ANKFY1: variants seen among roughly 807,000 people sequenced by gnomAD.
The protein encoded by ANKFY1 is ankyrin repeat and FYVE domain containing 1.
In ANKFY1, 47 loss-of-function variants were observed where a neutral mutation model predicts 128.3. The ratio of observed to expected loss-of-function variants is 0.37; its 90% CI spans 0.29 to 0.47. The LOEUF (loss-of-function observed/expected upper bound fraction) is 0.47, where lower values mean the gene tolerates loss of function less well. Among genes scored for constraint, ANKFY1 ranks in the 20% least tolerant of loss-of-function variants. ANKFY1 has a pLI of 1.00. For missense variants in ANKFY1, 1,222 were observed against 1,510.6 expected, an observed-to-expected ratio of 0.81 and a Z score of 3.17; for synonymous variants, 553 against 601.6, an observed-to-expected ratio of 0.92 and a Z score of 1.18.
At chr17:4,190,119 T>G (rs1337594048) in intron 10 of ANKFY1, among the ~76,000 whole-genome samples, 1 of 152,162 alleles carries the variant, frequency 6.6e-6, no homozygotes, top group African/African-American at 2.4e-5. Flanking sequence ...TTCGGCAGCA[T>G]CCTCTGAACT....
chr17:4,199,852 T>A (rs1191843136), intron 7 of ANKFY1, among the ~76,000 whole-genome samples: 5 of 152,236 alleles, frequency 3.3e-5, no homozygotes, highest in Non-Finnish European at 5.9e-5. Context: ...GATTTAGTTA[T>A]ATTTAACATT....
chr17:4,183,677 C>T (rs906565229), intron 13 of ANKFY1, 126 bp from the exon 14 acceptor site: 2 of 1,418,298 alleles, frequency 1.4e-6, no homozygotes, highest in Non-Finnish European at 1.9e-6. Context: ...ACAGGCTTAA[C>T]TCAAACAGAA....
chr17:4,184,162 G>A (rs912630291), intron 12 of ANKFY1, among the ~76,000 whole-genome samples: 85 of 152,196 alleles, frequency 5.6e-4, no homozygotes, highest in African/African-American at 2.0e-3. Flanking sequence ...ACTCCATTAC[G>A]GAAACACGCT....
chr17:4,177,351 C>T (rs1288038286), intron 18 of ANKFY1, 49 bp from the exon 19 acceptor site: 2 of 1,500,066 alleles, frequency 1.3e-6, no homozygotes, highest in African/African-American at 1.4e-5. Context: ...TTCAGAGTAC[C>T]TCCTGAGCTT....
intron 2 of ANKFY1, among the ~76,000 whole-genome samples, chr17:4,241,642 A>C (rs1428073929): frequency 6.6e-6 from 1 of 151,946 alleles, no homozygotes; most frequent in Non-Finnish European, 1.5e-5. Flanking sequence ...CTCTCCAACT[A>C]GTTCCAAGAC....
chr17:4,212,770 CTTTTT>C (rs35264086), intron 4 of ANKFY1, among the ~76,000 whole-genome samples: 1 of 130,876 alleles, frequency 7.6e-6, no homozygotes, highest in African/African-American at 2.8e-5. Context: ...GCAGAACACA[CTTTTT>C]TTTTTTTTTT....
In ANKFY1 at chr17:4,178,802, C is replaced by T; in HGVS notation, c.2598+55G>A. ...TTAGTCGGTGACATCTGTCTAGTCT[C>T]CAGGTTCCGCGACGCCCAGGACCAT... is the stretch of plus-strand genomic sequence containing the variant. On this transcript the variant is annotated intron_variant, in intron 18 of 24. Transcript: ENST00000341657. This position sits in a 1 kb window ranked among gnomAD's most constrained non-coding sequence, Gnocchi z 4.1. 6.4e-7 allele frequency: 1 copy of T among 1,557,032 alleles called. No individual in the cohort carries two copies. Among genetic ancestry groups the T allele is most frequent in the Admixed American group, 1.7e-5 (1 of 58,804 alleles).
intron 2 of ANKFY1, among the ~76,000 whole-genome samples, chr17:4,240,951 T>C (rs1598133533): frequency 1.3e-5 from 2 of 152,340 alleles, no homozygotes; most frequent in East Asian, 3.9e-4. Flanking sequence ...AATACCACTG[T>C]CTTTACCTAT....
rs74751278 is a variant in ANKFY1, at chr17:4,241,033, T to G, written c.203+1223A>C. Among the ~76,000 whole-genome samples, 799 of 152,286 alleles carry G rather than the reference T, an allele frequency of 5.2e-3. 8 individuals carry two copies. The highest frequency in any genetic ancestry group is 0.019 in the African/African-American group (769 of 41,554). ...ACAAAAGCTAACATCCTGTTGCCGC[T>G]ATAACCAGTGAAAACAATTTAAGTT... is the stretch of plus-strand genomic sequence containing the variant. On this transcript the variant is annotated intron_variant, in intron 2 of 24. Coordinates refer to ENST00000341657, the MANE Select transcript of ANKFY1 (RefSeq NM_001330063.2).
chr17:4,195,695 G>A lies in ANKFY1; in HGVS notation c.1104-224C>T, dbSNP rs1598052172. ...TGGACAAGAATCAGCTCAAGGAAGT[G>A]ATCTCAAATACTCCCCAACTCAATC... On this transcript the variant is annotated intron_variant, in intron 8 of 24. Transcript: ENST00000341657. Among the ~76,000 whole-genome samples the A allele has an allele frequency of 2.6e-5, 4 of 152,272 alleles. No individual in the cohort carries two copies. In the South Asian group the frequency reaches 6.2e-4, roughly 24 times the overall value.
intron 1 of ANKFY1, among the ~76,000 whole-genome samples, chr17:4,248,176 G>C (rs1290158535): frequency 2.6e-5 from 4 of 152,220 alleles, no homozygotes; most frequent in Admixed American, 2.6e-4. Context: ...CCAGGCCGTG[G>C]ACGGGTACTA....
chr17:4,173,590 A>C, intron 20 of ANKFY1, 146 bp from the exon 21 acceptor site: 1 of 776,684 alleles, frequency 1.3e-6, no homozygotes, highest in Non-Finnish European at 2.2e-6. Context: ...TCTGGTCTTC[A>C]CCGCCCTCAA....
chr17:4,184,759 A>G (rs978210637), intron 12 of ANKFY1, 59 bp downstream of exon 12: 1 of 1,534,836 alleles, frequency 6.5e-7, no homozygotes, highest in Non-Finnish European at 8.9e-7. Context: ...CTCTGTAACT[A>G]AGGATCCTAA....
Position 4,170,695 on chromosome 17 carries a change from G to A in ANKFY1, c.3286+20C>T. 1.3e-6 allele frequency: 2 copies of A among 1,595,628 alleles called. No individual in the cohort carries two copies. The highest frequency in any genetic ancestry group is 1.7e-5 in the Admixed American group (1 of 58,800). On this transcript the variant is annotated intron_variant, in intron 23 of 24. Transcript: ENST00000341657. ...CTACGACTGTGCTTGCACTGTGAGA[G>A]CAGAGAGCGGGCCACTCACCCAGCA...
intron 1 of ANKFY1, among the ~76,000 whole-genome samples, chr17:4,245,097 T>C (rs376508503): frequency 6.6e-6 from 1 of 152,100 alleles, no homozygotes; most frequent in South Asian, 2.1e-4. Flanking sequence ...CTGTTGTCCA[T>C]CCCTTCTCTT....
intron 3 of ANKFY1, among the ~76,000 whole-genome samples, chr17:4,232,178 G>T (rs2060524586): frequency 6.6e-6 from 1 of 152,192 alleles, no homozygotes; most frequent in Non-Finnish European, 1.5e-5. Context: ...GCCTGTTGGT[G>T]TGGAAAACAT....
At chr17:4,251,480 T>A (rs1169333314) in intron 1 of ANKFY1, among the ~76,000 whole-genome samples, 3 of 148,570 alleles carry the variant, frequency 2.0e-5, no homozygotes, top group Admixed American at 1.3e-4. Context: ...AAACAATTTT[T>A]AAAAATGAGC....
intron 3 of ANKFY1, chr17:4,222,622 A>G: frequency 9.6e-7 from 1 of 1,046,358 alleles, no homozygotes; most frequent in South Asian, 1.3e-5. Context: ...TTCTTCAAAG[A>G]ATTTTACCGT....
At chr17:4,168,957 G>A in intron 24 of ANKFY1, 2 of 506,202 alleles carry the variant, frequency 4.0e-6, no homozygotes, top group East Asian at 3.1e-5. Context: ...CAGGCTGCCT[G>A]GAAACTGTGC....
Sources: gnomAD v4.1 joint callset for allele counts (sites outside exome capture counted in the v4.1 genomes callset) on GRCh38, gnomAD v4.1.1 for gene constraint, Gnocchi (gnomAD v3.1) non-coding constraint, MANE v1.5 for transcripts, NCBI Gene and HGNC (gene_info 2026-07-23, HGNC 2026-07-21) for gene names.